RFC3: variants seen among roughly 807,000 people sequenced by gnomAD.
RFC3 encodes the protein A1 38 kDa subunit.
In RFC3, 41 loss-of-function variants were observed where a neutral mutation model predicts 45.1. The observed-to-expected ratio is 0.91, with a 90% CI of 0.71 to 1.18. RFC3 has a LOEUF of 1.18. Ranked by LOEUF, RFC3 falls within the 50% of genes most tolerant of loss-of-function variation. RFC3 has a pLI of 0.00. For synonymous variants in RFC3, 149 were observed against 144.0 expected (o/e 1.03, Z -0.25); for missense variants, 423 against 428.1 (o/e 0.99, Z 0.10).
chr13:33,937,352 G>A (rs2082893531), intron 8 of RFC3, among the ~76,000 whole-genome samples: 1 of 152,132 alleles, frequency 6.6e-6, no homozygotes, highest in African/African-American at 2.4e-5. Flanking sequence ...TACAATGTTT[G>A]TAAAATGATG....
Position 33,825,783 on chromosome 13 carries a change from G to A in RFC3, c.294-6G>A. The stretch of plus-strand genomic sequence containing the variant: ...TACTATATACCATTATTTTTGTTTT[G>A]TGTAGTGATGCTGGAAATAGTGACC... On this transcript the variant is annotated splice_region_variant and splice_polypyrimidine_tract_variant and intron_variant, in intron 3 of 8. Coordinates refer to ENST00000380071, the MANE Select transcript of RFC3 (RefSeq NM_002915.4). The A allele has an allele frequency of 6.4e-7, 1 of 1,572,504 alleles. No individual in the cohort carries two copies. The highest frequency in any genetic ancestry group is 1.4e-5 in the African/African-American group (1 of 73,260).
chr13:33,823,576 G>A (rs1449266459), intron 2 of RFC3, among the ~76,000 whole-genome samples: 1 of 151,966 alleles, frequency 6.6e-6, no homozygotes, highest in Non-Finnish European at 1.5e-5. Context: ...AAATACATTT[G>A]TGTATGTTTA....
chr13:33,930,484 G>T (rs2082844420), intron 8 of RFC3, among the ~76,000 whole-genome samples: 1 of 152,122 alleles, frequency 6.6e-6, no homozygotes, highest in Non-Finnish European at 1.5e-5. Context: ...AACTTCTTCT[G>T]CCTGCTTTAT....
chr13:33,945,421 A>C (rs1347650641), intron 8 of RFC3, among the ~76,000 whole-genome samples: 1 of 152,182 alleles, frequency 6.6e-6, no homozygotes, highest in Non-Finnish European at 1.5e-5. Context: ...AAAAAACACA[A>C]TAGTAACAAA....
At chr13:33,898,995 G>A (rs549608646) in intron 8 of RFC3, among the ~76,000 whole-genome samples, 75 of 151,518 alleles carry the variant, frequency 4.9e-4, no homozygotes, top group African/African-American at 1.8e-3. Context: ...CAAGTAATGA[G>A]ATCAAAGCTG....
chr13:33,831,435 C>T (rs2082103231), intron 7 of RFC3, 81 bp downstream of exon 7: 1 of 722,324 alleles, frequency 1.4e-6, no homozygotes, highest in Non-Finnish European at 2.4e-6. Flanking sequence ...ATGCTAATGT[C>T]ATTTTGAATT....
intron 8 of RFC3, among the ~76,000 whole-genome samples, chr13:33,903,694 A>C (rs1240036089): frequency 1.3e-5 from 2 of 152,008 alleles, no homozygotes; most frequent in Non-Finnish European, 2.9e-5. Context: ...CCTTTCCTGC[A>C]GTTGTATTAC....
At chr13:33,850,913 A>G (rs1191895049) in intron 8 of RFC3, 1 of 152,194 alleles carries the variant, frequency 6.6e-6, no homozygotes, top group Non-Finnish European at 1.5e-5. Flanking sequence ...AACATAACTA[A>G]GACAATTCTT....
chr13:33,932,612 G>A (rs1448393485), intron 8 of RFC3, among the ~76,000 whole-genome samples: 3 of 152,098 alleles, frequency 2.0e-5, no homozygotes, highest in Non-Finnish European at 4.4e-5. Context: ...AATGAGGCTT[G>A]AGGTTATCAA....
chr13:33,867,854 A>G (rs889158707), intron 8 of RFC3, among the ~76,000 whole-genome samples: 1 of 152,216 alleles, frequency 6.6e-6, no homozygotes, highest in Non-Finnish European at 1.5e-5. Context: ...TTATGTATAC[A>G]TTGGTATATT....
At chr13:33,831,870 G>C (rs1243314603) in intron 7 of RFC3, among the ~76,000 whole-genome samples, 2 of 152,016 alleles carry the variant, frequency 1.3e-5, no homozygotes, top group African/African-American at 2.4e-5. Flanking sequence ...CCTCACCAAG[G>C]GTACTTTTGC....
intron 8 of RFC3, among the ~76,000 whole-genome samples, chr13:33,956,715 G>A (rs1204098904): frequency 6.6e-6 from 1 of 152,220 alleles, no homozygotes; most frequent in African/African-American, 2.4e-5. Context: ...AGCACTAGAT[G>A]TCTAGTGAGG....
intron 8 of RFC3, among the ~76,000 whole-genome samples, chr13:33,851,348 G>C (rs1314821981): frequency 6.6e-6 from 1 of 152,058 alleles, no homozygotes; most frequent in Non-Finnish European, 1.5e-5. Context: ...TAGAACTTTT[G>C]ACTCCCCCAA....
chr13:33,879,326 C>G (rs761262268), intron 8 of RFC3, among the ~76,000 whole-genome samples: 1 of 152,094 alleles, frequency 6.6e-6, no homozygotes, highest in Non-Finnish European at 1.5e-5. Context: ...ATATCATTTC[C>G]TTGCCCGTTT....
chr13:33,886,370 C>A (rs894928705), intron 8 of RFC3, among the ~76,000 whole-genome samples: 1 of 151,920 alleles, frequency 6.6e-6, no homozygotes, highest in African/African-American at 2.4e-5. Flanking sequence ...CATGGCGAAA[C>A]CCTGTCTCTA....
intron 8 of RFC3, among the ~76,000 whole-genome samples, chr13:33,930,560 G>A (rs2082845061): frequency 6.6e-6 from 1 of 152,092 alleles, no homozygotes; most frequent in Non-Finnish European, 1.5e-5. Flanking sequence ...GTCTCTCTGA[G>A]TCCACTGACT....
At chr13:33,846,008 A>G (rs551072088) in intron 8 of RFC3, among the ~76,000 whole-genome samples, 1 of 152,070 alleles carries the variant, frequency 6.6e-6, no homozygotes, top group Admixed American at 6.5e-5. Flanking sequence ...TAATGCTGTG[A>G]CTCTTTCAGG....
chr13:33,976,960 T>C, the RFC3 span, among the ~76,000 whole-genome samples: 1 of 152,048 alleles, frequency 6.6e-6, no homozygotes, highest in Non-Finnish European at 1.5e-5. Context: ...TAGTGATGAG[T>C]CCTGTTGATT....
intron 8 of RFC3, 171 bp downstream of exon 8, chr13:33,835,388 A>G (rs775330459): frequency 5.7e-5 from 42 of 740,682 alleles, no homozygotes; most frequent in South Asian, 5.6e-4. Flanking sequence ...AGGAATGCTG[A>G]AGAAAAGAAG....
Sources: allele counts gnomAD v4.1 joint callset (sites outside exome capture counted in the v4.1 genomes callset), GRCh38; gene constraint gnomAD v4.1.1; transcripts MANE v1.5; gene names NCBI Gene and HGNC (gene_info 2026-07-23, HGNC 2026-07-21).